The following SULT2B1 variants were observed in gnomAD, a reference collection of about 807,000 sequenced individuals.
SULT2B1 encodes sulfotransferase family 2B member 1.
A neutral mutation model predicts 33.2 loss-of-function variants in SULT2B1; 16 were observed. The observed-to-expected ratio is 0.48, with a 90% CI of 0.33 to 0.73. SULT2B1 has a LOEUF of 0.73. SULT2B1 is among the 30% of genes least tolerant of loss of function. SULT2B1 has a pLI of 0.02. For missense variants in SULT2B1, 500 were observed against 506.0 expected (o/e 0.99, Z 0.11); for synonymous variants, 186 against 200.5 (o/e 0.93, Z 0.61).
intron 5 of SULT2B1, chr19:48,596,479 G>GA (rs902557627): frequency 5.2e-6 from 2 of 384,376 alleles, no homozygotes; most frequent in African/African-American, 4.7e-5. Flanking sequence ...CCCCTGCTGT[G>GA]ACCTCTGCCC....
At chr19:48,565,347 T>C (rs546704607) in intron 1 of SULT2B1, among the ~76,000 whole-genome samples, 2 of 151,956 alleles carry the variant, frequency 1.3e-5, no homozygotes, top group Non-Finnish European at 2.9e-5. Context: ...TGTGTGTGTG[T>C]GTGTTTGTGT....
chr19:48,596,827 C>T lies in SULT2B1; in HGVS notation c.734C>T (p.Thr245Ile), dbSNP rs546703156. 19 of 1,610,020 alleles carry T rather than the reference C, an allele frequency of 1.2e-5. No homozygotes were observed. The African/African-American group carries it at 1.5e-4, about 12-fold the overall frequency. ...EALGSVVAHSTFSAMKANTMS... is the reference protein window; with the variant it reads ...EALGSVVAHSIFSAMKANTMS... ...CTGGGCTCCGTCGTGGCACACTCAACCTTCAGCGCCATGAAGGCCAACACC... is the reference window on the plus strand; with the variant it reads ...CTGGGCTCCGTCGTGGCACACTCAATCTTCAGCGCCATGAAGGCCAACACC... Residue 245 changes from threonine to isoleucine, a missense_variant, in exon 6 of 7, where the codon ACC becomes ATC. Coordinates refer to ENST00000201586, the MANE Select transcript of SULT2B1 (RefSeq NM_177973.2).
intron 1 of SULT2B1, among the ~76,000 whole-genome samples, chr19:48,570,782 T>G (rs1379988708): frequency 6.6e-6 from 1 of 151,836 alleles, no homozygotes. Flanking sequence ...TGGAGTGCAG[T>G]GGCGCGATCT....
chr19:48,568,415 G>A (rs1232118689), intron 1 of SULT2B1, among the ~76,000 whole-genome samples: 3 of 152,108 alleles, frequency 2.0e-5, no homozygotes, highest in Non-Finnish European at 4.4e-5. Context: ...CCCAAGCCCT[G>A]AAGACAGAGA....
intron 1 of SULT2B1, among the ~76,000 whole-genome samples, chr19:48,571,207 A>ATTTG (rs1213339651): frequency 1.2e-5 from 1 of 80,828 alleles, no homozygotes; most frequent in African/African-American, 5.9e-5. Flanking sequence ...TTATTTATTT[A>ATTTG]TTTATTTTGA....
At chr19:48,573,876 A>C (rs918000178) in intron 1 of SULT2B1, among the ~76,000 whole-genome samples, 9 of 152,144 alleles carry the variant, frequency 5.9e-5, no homozygotes, top group African/African-American at 2.2e-4. Flanking sequence ...TATGTTTGTT[A>C]CTAGAGTCAG....
chr19:48,566,072 C>A (rs1236602310), intron 1 of SULT2B1, among the ~76,000 whole-genome samples: 1 of 152,062 alleles, frequency 6.6e-6, no homozygotes, highest in African/African-American at 2.4e-5. Flanking sequence ...ACCACCACAC[C>A]CAGCTATTTT....
chr19:48,599,077 G>A lies in SULT2B1; in HGVS notation c.827-58G>A. ...GGAAGGAGGTTGCTGGAATGTTGGA[G>A]GTAGGGGCGCAGTGCTCCCCAGAGG... On this transcript the variant is annotated intron_variant, in intron 6 of 6. Transcript: ENST00000201586. The surrounding 1 kb of genome is among the most constrained non-coding windows in gnomAD (Gnocchi z 4.1). 1 of 1,526,294 alleles carries A rather than the reference G, an allele frequency of 6.6e-7. No individual in the cohort carries two copies. The highest frequency in any genetic ancestry group is 8.8e-7 in the Non-Finnish European group (1 of 1,142,166). The allele number at this position is 1,526,294 out of a possible 1,614,324, so 94.5% of individuals were successfully genotyped here.
In SULT2B1 at chr19:48,576,451, C is replaced by A. The variant is rs939192840; in HGVS notation, c.214+368C>A. Among the ~76,000 whole-genome samples, 6 of 105,330 alleles carry A rather than the reference C, an allele frequency of 5.7e-5. 1 individual carries two copies. Among genetic ancestry groups the A allele is most frequent in the Non-Finnish European group, 1.1e-4 (5 of 47,368 alleles). 69.1% of individuals were successfully genotyped at this position (105,330 alleles called of 152,430 possible). A position where few individuals can be genotyped will look rare whatever the true frequency, so the allele number is the denominator to read the frequency against. On this transcript the variant is annotated intron_variant, in intron 2 of 6. Transcript: ENST00000201586. The stretch of plus-strand genomic sequence containing the variant: ...ATCTCAAGTGATCCTTCTGCCTTGG[C>A]CTCCCAAAGTGCTGGGATTACAGGC...
chr19:48,581,472 G>GTTGT (rs1555733920), intron 2 of SULT2B1, among the ~76,000 whole-genome samples: 8 of 118,912 alleles, frequency 6.7e-5, no homozygotes, highest in African/African-American at 2.7e-4. Context: ...AGATTTGAGA[G>GTTGT]TTTTTTTTTT....
In SULT2B1 at chr19:48,599,199, C is replaced by T; in HGVS notation, c.891C>T (p.Tyr297=). The part of the protein sequence containing the change: ...VAQSEAFDRA[Y]RKQMRGMPTF... Reference sequence around the variant, plus strand: ...AGAGCGAAGCCTTCGATCGTGCCTACCGCAAGCAGATGCGGGGGATGCCGA... The same window carrying T: ...AGAGCGAAGCCTTCGATCGTGCCTATCGCAAGCAGATGCGGGGGATGCCGA... The change falls in exon 7 of 7, where the codon TAC becomes TAT. Residue 297 remains tyrosine, a synonymous_variant. Coordinates refer to ENST00000201586, the MANE Select transcript of SULT2B1 (RefSeq NM_177973.2). This position sits in a 1 kb window ranked among gnomAD's most constrained non-coding sequence, Gnocchi z 4.1. 2 of 1,605,292 alleles carry T rather than the reference C, an allele frequency of 1.2e-6. No homozygotes were observed. Among genetic ancestry groups the T allele is most frequent in the East Asian group, 4.5e-5 (2 of 44,638 alleles).
chr19:48,591,811 A>AGG, intron 4 of SULT2B1, 76 bp downstream of exon 4: 2 of 1,457,960 alleles, frequency 1.4e-6, no homozygotes, highest in Non-Finnish European at 1.8e-6. Context: ...GGGACAGAGG[A>AGG]GGGGTAAGAA....
intron 1 of SULT2B1, among the ~76,000 whole-genome samples, chr19:48,561,504 T>G (rs1410389297): frequency 1.3e-5 from 2 of 151,058 alleles, no homozygotes; most frequent in Admixed American, 1.3e-4. Flanking sequence ...AAAGGTATGC[T>G]GGAAGGGAGA....
At chr19:48,578,041 A>AC (rs1973437825) in intron 2 of SULT2B1, among the ~76,000 whole-genome samples, 1 of 123,962 alleles carries the variant, frequency 8.1e-6, no homozygotes, top group Non-Finnish European at 1.8e-5. Flanking sequence ...ACATAGCAAG[A>AC]CCCCATCTCT....
At chr19:48,588,209 C>CAAAAAA (rs36003772) in intron 3 of SULT2B1, among the ~76,000 whole-genome samples, 104 of 116,112 alleles carry the variant, frequency 9.0e-4, no homozygotes, top group African/African-American at 3.1e-3. Flanking sequence ...GATTTCATCT[C>CAAAAAA]AAAAAAAAAA....
intron 6 of SULT2B1, among the ~76,000 whole-genome samples, chr19:48,598,516 G>A (rs533912015): frequency 3.9e-5 from 6 of 151,974 alleles, no homozygotes; most frequent in African/African-American, 9.7e-5. Flanking sequence ...CGCTTGAATC[G>A]GAGGTTGCAG....
At chr19:48,572,774 G>A (rs1444350391) in intron 1 of SULT2B1, among the ~76,000 whole-genome samples, 4 of 152,104 alleles carry the variant, frequency 2.6e-5, no homozygotes, top group African/African-American at 9.7e-5. Context: ...AAGGCCTGAG[G>A]TGGGCAGGAA....
At chr19:48,587,824 T>C (rs1310499044) in intron 3 of SULT2B1, among the ~76,000 whole-genome samples, 1 of 131,586 alleles carries the variant, frequency 7.6e-6, no homozygotes, top group African/African-American at 2.9e-5. Context: ...GCCCAGCAGG[T>C]CAAGGCTGCA....
intron 3 of SULT2B1, among the ~76,000 whole-genome samples, chr19:48,590,780 C>T (rs1363267057): frequency 6.6e-6 from 1 of 152,094 alleles, no homozygotes; most frequent in Non-Finnish European, 1.5e-5. Context: ...CCACGTTTCT[C>T]TAAGTCTGTT....
Sources: allele counts gnomAD v4.1 joint callset (sites outside exome capture counted in the v4.1 genomes callset), GRCh38; gene constraint gnomAD v4.1.1; non-coding constraint Gnocchi (gnomAD v3.1); transcripts MANE v1.5; gene names NCBI Gene and HGNC (gene_info 2026-07-23, HGNC 2026-07-21).